The following ESRRB variants were observed in gnomAD, a reference collection of about 807,000 sequenced individuals.
ESRRB encodes estrogen related receptor beta.
A neutral mutation model predicts 46.0 loss-of-function variants in ESRRB; 16 were observed. That is an observed-to-expected ratio of 0.35 (90% CI 0.24 to 0.53). The LOEUF (loss-of-function observed/expected upper bound fraction) is 0.53, where lower values mean the gene tolerates loss of function less well. ESRRB is among the 20% of genes least tolerant of loss of function. The probability of loss-of-function intolerance (pLI) is 0.93; values close to 1 mark genes in which losing one functional copy is unlikely to be tolerated. For synonymous variants in ESRRB, 246 were observed against 259.6 expected (o/e 0.95, Z 0.50); for missense variants, 488 against 607.4 (o/e 0.80, Z 2.07).
chr14:76,441,716 G>A (rs1279639337), intron 2 of ESRRB, among the ~76,000 whole-genome samples: 4 of 152,238 alleles, frequency 2.6e-5, no homozygotes, highest in Admixed American at 6.5e-5. Context: ...AAGCCAGGCT[G>A]TAGGTGCTGG....
chr14:76,488,527 T>C (rs953318644), intron 5 of ESRRB, among the ~76,000 whole-genome samples: 1 of 152,220 alleles, frequency 6.6e-6, no homozygotes, highest in African/African-American at 2.4e-5. Context: ...AACCAAGTAC[T>C]GTGGGCACAT....
At chr14:76,316,466 T>G (rs984788311) in intron 1 of ESRRB, among the ~76,000 whole-genome samples, 1 of 109,696 alleles carries the variant, frequency 9.1e-6, no homozygotes, top group Non-Finnish European at 2.1e-5. Flanking sequence ...TAGTAGTCAC[T>G]ATCTCCCTTT....
chr14:76,409,710 C>A (rs549638636), intron 1 of ESRRB, among the ~76,000 whole-genome samples: 2 of 151,954 alleles, frequency 1.3e-5, no homozygotes, highest in Non-Finnish European at 2.9e-5. Flanking sequence ...GAGCCAGGGC[C>A]CCCCTAATTT....
Position 76,482,163 on chromosome 14 carries a change from A to T in ESRRB, c.688+37A>T, listed in dbSNP as rs1353665958. 1 of 1,473,784 alleles carries T rather than the reference A, an allele frequency of 6.8e-7. No homozygotes were observed. 91.3% of individuals were successfully genotyped at this position (1,473,784 alleles called of 1,614,324 possible). A position where few individuals can be genotyped will look rare whatever the true frequency, so the allele number is the denominator to read the frequency against. On this transcript the variant is annotated intron_variant, in intron 4 of 6. Transcript: ENST00000644823. This position sits in a 1 kb window ranked among gnomAD's most constrained non-coding sequence, Gnocchi z 4.3. ...GGCAGTCCCTGCCCCTTTTGCCAGCATCTGTACCTGGAACATCAGGCATCC... is the reference window on the plus strand; with the variant it reads ...GGCAGTCCCTGCCCCTTTTGCCAGCTTCTGTACCTGGAACATCAGGCATCC...
At chr14:76,313,250 C>T (rs2139718965) in intron 1 of ESRRB, among the ~76,000 whole-genome samples, 1 of 152,064 alleles carries the variant, frequency 6.6e-6, no homozygotes, top group Non-Finnish European at 1.5e-5. Context: ...ATGAGACAGC[C>T]TCTGATTACT....
chr14:76,379,137 G>A (rs12587624), intron 1 of ESRRB, among the ~76,000 whole-genome samples: 34,201 of 152,096 alleles, frequency 0.22, 4,042 homozygotes, highest in South Asian at 0.27. Context: ...AGAAACATAC[G>A]TACCTTCCTA....
Position 76,482,770 on chromosome 14 carries a change from G to A in ESRRB, c.850+11G>A. 1.2e-6 allele frequency: 2 copies of A among 1,613,734 alleles called. No individual in the cohort carries two copies. Among genetic ancestry groups the A allele is most frequent in the South Asian group, 1.1e-5 (1 of 91,052 alleles). On this transcript the variant is annotated intron_variant, in intron 5 of 6. Coordinates refer to ENST00000644823, the MANE Select transcript of ESRRB (RefSeq NM_001379180.1). This position sits in a 1 kb window ranked among gnomAD's most constrained non-coding sequence, Gnocchi z 4.3. ...CCAAGCACATCCCAGGTGAGCATGT[G>A]GGACCAGGGGAGAGTGTGGCCAGGG...
intron 2 of ESRRB, among the ~76,000 whole-genome samples, chr14:76,453,631 T>C (rs2139969131): frequency 6.9e-6 from 1 of 145,794 alleles, no homozygotes; most frequent in East Asian, 2.0e-4. Flanking sequence ...TGGGTCTCGC[T>C]CTGTCACCCA....
chr14:76,479,048 ACT>A (rs1197405196), intron 3 of ESRRB, among the ~76,000 whole-genome samples: 2 of 151,966 alleles, frequency 1.3e-5, no homozygotes, highest in East Asian at 3.9e-4. Context: ...TGCTCCTCAA[ACT>A]CTGTTGTCCG....
In ESRRB at chr14:76,436,259, C is replaced by T. The variant is rs76671991; in HGVS notation, c.51-3082C>T. 1.8e-3 allele frequency among the ~76,000 whole-genome samples: 273 copies of T among 152,312 alleles called. 1 individual carries two copies. The highest frequency in any genetic ancestry group is 3.3e-3 in the Non-Finnish European group (223 of 68,036). The stretch of plus-strand genomic sequence containing the variant: ...GGCAGTTGGGAAAACTGTGGCCTGC[C>T]CTCTCCTGGGAGGGGCTGGGAGCTT... On this transcript the variant is annotated intron_variant, in intron 1 of 6. Coordinates refer to ENST00000644823, the MANE Select transcript of ESRRB (RefSeq NM_001379180.1).
rs1489957146 is a variant in ESRRB, at chr14:76,454,107, C to G, written c.461-8438C>G. Among the ~76,000 whole-genome samples the G allele has an allele frequency of 2.0e-5, 3 of 152,014 alleles. No individual in the cohort carries two copies. The East Asian group carries it at 5.8e-4, about 29-fold the overall frequency. On this transcript the variant is annotated intron_variant, in intron 2 of 6. Transcript: ENST00000644823. ...AGGGAGATGAAATCTAACAAAATAG[C>G]CTGTTTTAAGAGGGTGGCAATGGGT...
chr14:76,360,522 TA>T (rs1031470016), intron 1 of ESRRB, among the ~76,000 whole-genome samples: 4 of 152,132 alleles, frequency 2.6e-5, no homozygotes, highest in African/African-American at 9.7e-5. Flanking sequence ...ACTGGGCAAG[TA>T]TGCAAACCTT....
chr14:76,451,797 T>A lies in ESRRB; in HGVS notation c.461-10748T>A, dbSNP rs1022381818. Reference sequence around the variant, plus strand: ...GCCACCATGCCCAGCTAATTTTTTTTTTTTTTTTTTTTTTTAGTAAAGACA... The same window carrying A: ...GCCACCATGCCCAGCTAATTTTTTTATTTTTTTTTTTTTTTAGTAAAGACA... On this transcript the variant is annotated intron_variant, in intron 2 of 6. Transcript: ENST00000644823. Among the ~76,000 whole-genome samples, 348 of 149,832 alleles carry A rather than the reference T, an allele frequency of 2.3e-3. 2 individuals carry two copies. Among genetic ancestry groups the A allele is most frequent in the African/African-American group, 7.7e-3 (313 of 40,896 alleles).
chr14:76,344,468 A>G (rs560759256), intron 1 of ESRRB, among the ~76,000 whole-genome samples: 1 of 150,502 alleles, frequency 6.6e-6, no homozygotes, highest in African/African-American at 2.4e-5. Context: ...TATCATTCTT[A>G]TGCCTTTGCA....
intron 1 of ESRRB, among the ~76,000 whole-genome samples, chr14:76,365,951 T>C (rs555549023): frequency 2.6e-5 from 4 of 152,326 alleles, no homozygotes; most frequent in Admixed American, 6.5e-5. Flanking sequence ...TCCACCACCC[T>C]GCACATGGTA....
intron 2 of ESRRB, among the ~76,000 whole-genome samples, chr14:76,455,918 C>A (rs1193767792): frequency 6.6e-6 from 1 of 151,954 alleles, no homozygotes; most frequent in Non-Finnish European, 1.5e-5. Flanking sequence ...GTGGTGCACG[C>A]CTGTAATCCC....
chr14:76,351,663 CT>C (rs1180970770), intron 1 of ESRRB, among the ~76,000 whole-genome samples: 8 of 152,184 alleles, frequency 5.3e-5, no homozygotes, highest in Admixed American at 5.2e-4. Flanking sequence ...ATACCACCTT[CT>C]GGGTGAAGGT....
intron 1 of ESRRB, among the ~76,000 whole-genome samples, chr14:76,365,401 C>A (rs984680881): frequency 2.6e-5 from 4 of 152,174 alleles, no homozygotes; most frequent in African/African-American, 7.2e-5. Context: ...ATCACTTGAG[C>A]CCAGGAGATT....
chr14:76,402,789 C>A lies in ESRRB; in HGVS notation c.50+26338C>A, dbSNP rs907485574. Among the ~76,000 whole-genome samples, 4 of 152,158 alleles carry A rather than the reference C, an allele frequency of 2.6e-5. No homozygotes were observed. In the South Asian group the frequency reaches 8.3e-4, roughly 32 times the overall value. ...CCTCAAGCTACCCTCCTGCCTCAGCCTCCTAAGTAGCTGGGACTACAGGCA... is the reference window on the plus strand; with the variant it reads ...CCTCAAGCTACCCTCCTGCCTCAGCATCCTAAGTAGCTGGGACTACAGGCA... On this transcript the variant is annotated intron_variant, in intron 1 of 6. Transcript: ENST00000644823.
Sources: allele counts gnomAD v4.1 joint callset (sites outside exome capture counted in the v4.1 genomes callset), GRCh38; gene constraint gnomAD v4.1.1; non-coding constraint Gnocchi (gnomAD v3.1); transcripts MANE v1.5; gene names NCBI Gene and HGNC (gene_info 2026-07-23, HGNC 2026-07-21).